Variants in CNTFR observed in about 807,000 individuals in gnomAD.
CNTFR encodes the protein ciliary neurotrophic factor receptor, also known as ciliary neurotrophic factor receptor subunit alpha.
CNTFR carries 12 observed loss-of-function variants against 40.4 expected under a neutral mutation model. That is an observed-to-expected ratio of 0.30 (90% CI 0.19 to 0.48). The LOEUF is 0.48. CNTFR is among the 20% of genes least tolerant of loss of function. The pLI is 0.99. For synonymous variants in CNTFR, 202 were observed against 209.6 expected (o/e 0.96, Z 0.31); for missense variants, 414 against 506.8 (o/e 0.82, Z 1.76).
At chr9:34,587,660 G>A (rs959292332) in intron 1 of CNTFR, among the ~76,000 whole-genome samples, 2 of 152,154 alleles carry the variant, frequency 1.3e-5, no homozygotes, top group African/African-American at 4.8e-5. Context: ...GAGTCCTTGA[G>A]TTCAAATGTG....
rs1411274891 is a variant in CNTFR at position 34,552,393 on chromosome 9, C to T, written c.950-64G>A. 3.4e-6 allele frequency: 5 copies of T among 1,454,982 alleles called. No homozygotes were observed. The highest frequency in any genetic ancestry group is 4.6e-6 in the Non-Finnish European group (5 of 1,089,560). 90.1% of individuals were successfully genotyped at this position (1,454,982 alleles called of 1,614,324 possible). A position where few individuals can be genotyped will look rare whatever the true frequency, so the allele number is the denominator to read the frequency against. On this transcript the variant is annotated intron_variant, in intron 8 of 9. Coordinates refer to ENST00000378980, the MANE Select transcript of CNTFR (RefSeq NM_147164.3). The surrounding 1 kb of genome is among the most constrained non-coding windows in gnomAD (Gnocchi z 5.1). ...TGGGTCCCATCCAGATCTGGGGGCTCATGAGACATACCATTCTGCTTCCTG... is the reference window on the plus strand; with the variant it reads ...TGGGTCCCATCCAGATCTGGGGGCTTATGAGACATACCATTCTGCTTCCTG...
intron 1 of CNTFR, among the ~76,000 whole-genome samples, chr9:34,583,405 G>A (rs1454184331): frequency 7.9e-5 from 12 of 152,176 alleles, no homozygotes; most frequent in Admixed American, 7.9e-4. Context: ...TCGCTAGCTG[G>A]CTAAGTCTCC....
chr9:34,567,820 C>A (rs2132175538), intron 3 of CNTFR, among the ~76,000 whole-genome samples: 1 of 152,334 alleles, frequency 6.6e-6, no homozygotes, highest in East Asian at 1.9e-4. Flanking sequence ...CTCACCCTCA[C>A]AAGAACACAG....
intron 7 of CNTFR, among the ~76,000 whole-genome samples, chr9:34,554,990 C>T (rs1825775570): frequency 1.3e-5 from 2 of 152,246 alleles, no homozygotes; most frequent in Non-Finnish European, 2.9e-5. Context: ...CGCATGGTCT[C>T]GGCATGTTAG....
intron 7 of CNTFR, among the ~76,000 whole-genome samples, chr9:34,554,649 C>T (rs986824171): frequency 5.9e-5 from 9 of 152,342 alleles, no homozygotes; most frequent in African/African-American, 2.2e-4. Flanking sequence ...ACTTGCCTCC[C>T]TCTTGTCCAT....
chr9:34,557,630 C>T lies in CNTFR; in HGVS notation c.500G>A (p.Arg167His), dbSNP rs763191215. 11 of 1,614,058 alleles carry T rather than the reference C, an allele frequency of 6.8e-6. No homozygotes were observed. The highest frequency in any genetic ancestry group is 2.7e-5 in the African/African-American group (2 of 74,926). ...DPALKNRCHI[R>H]YMHLFSTIKY... ...GATGGTGGAGAACAGGTGCATGTAGCGAATGTGGCAGCGGTTCTTGAGGGC... is the reference window on the plus strand; with the variant it reads ...GATGGTGGAGAACAGGTGCATGTAGTGAATGTGGCAGCGGTTCTTGAGGGC... Residue 167 changes from arginine to histidine, a missense_variant, in exon 6 of 10, where the codon CGC (arginine) becomes CAC (histidine). Physicochemically the swap from Arg to His is conservative, Grantham distance 29. Coordinates refer to ENST00000378980, the MANE Select transcript of CNTFR (RefSeq NM_147164.3). This position sits in a 1 kb window ranked among gnomAD's most constrained non-coding sequence, Gnocchi z 4.2.
Position 34,564,709 on chromosome 9 carries a change from T to C in CNTFR, c.209A>G (p.Asn70Ser), listed in dbSNP as rs115175006. 9.9e-5 allele frequency: 160 copies of C among 1,613,956 alleles called. No homozygotes were observed. Among genetic ancestry groups the C allele is most frequent in the Non-Finnish European group, 1.2e-4 (143 of 1,180,004 alleles). Residue 70 changes from asparagine to serine, a missense_variant, in exon 4 of 10, where the codon AAC becomes AGC. By Grantham distance (46) the Asn-to-Ser change is conservative. Transcript: ENST00000378980. ...GCCATGGAGCACCAGCTGAGAGCCG[T>C]TGAGCAGGTCAGGGGCCAGGTCTGT... ...NGTDLAPDLL[N>S]GSQLVLHGLE...
In CNTFR at chr9:34,557,033, C is replaced by G. The variant is rs1587122150; in HGVS notation, c.604+493G>C. 9.6e-6 allele frequency among the ~76,000 whole-genome samples: 1 copy of G among 104,166 alleles called. No individual in the cohort carries two copies. Among genetic ancestry groups the G allele is most frequent in the East Asian group, 3.2e-4 (1 of 3,124 alleles). 68.3% of individuals were successfully genotyped at this position (104,166 alleles called of 152,430 possible). ...GGGCAGGCAGAAGGTCTGGCTGGGG[C>G]GGGGGAATAGCAGGCAGAGAGCCTG... On this transcript the variant is annotated intron_variant, in intron 6 of 9. Coordinates refer to ENST00000378980, the MANE Select transcript of CNTFR (RefSeq NM_147164.3). The surrounding 1 kb of genome is among the most constrained non-coding windows in gnomAD (Gnocchi z 4.2).
chr9:34,551,873 G>A lies in CNTFR; in HGVS notation c.*198C>T. On this transcript the variant is annotated 3_prime_UTR_variant, in exon 10 of 10. Transcript: ENST00000378980. ...GCTGCATGGCCCACCTCCCCTGAGG[G>A]AGGAAGGAGGGCCAGCTTGGTGCGG... The A allele has an allele frequency of 1.5e-6, 1 of 683,052 alleles. No homozygotes were observed. 42.3% of individuals were successfully genotyped at this position (683,052 alleles called of 1,614,324 possible).
At chr9:34,587,781 C>G (rs1015355179) in intron 1 of CNTFR, among the ~76,000 whole-genome samples, 1 of 152,074 alleles carries the variant, frequency 6.6e-6, no homozygotes, top group Non-Finnish European at 1.5e-5. Flanking sequence ...CCCTAGGACC[C>G]CAGTGAGATT....
chr9:34,577,701 C>T (rs990158073), intron 2 of CNTFR, among the ~76,000 whole-genome samples: 2 of 152,210 alleles, frequency 1.3e-5, no homozygotes, highest in African/African-American at 4.8e-5. Flanking sequence ...ATGGACACAG[C>T]CAGAGCCCCC....
chr9:34,582,556 G>A (rs7046510), intron 1 of CNTFR: 105,610 of 152,080 alleles, frequency 0.69, 36,882 homozygotes, highest in East Asian at 0.93. Flanking sequence ...TCTGCCAAAG[G>A]TATGATTAGG....
At chr9:34,554,856 A>T (rs1240272696) in intron 7 of CNTFR, among the ~76,000 whole-genome samples, 2 of 152,198 alleles carry the variant, frequency 1.3e-5, no homozygotes, top group Non-Finnish European at 2.9e-5. Flanking sequence ...AGAACCATAA[A>T]TCTAACCAAC....
At chr9:34,579,615 G>A (rs1056065506) in intron 2 of CNTFR, among the ~76,000 whole-genome samples, 5 of 151,898 alleles carry the variant, frequency 3.3e-5, no homozygotes, top group African/African-American at 1.2e-4. Context: ...AGGGTGATGG[G>A]AGGCCAAAGG....
At chr9:34,579,630 T>C (rs1244924485) in intron 2 of CNTFR, among the ~76,000 whole-genome samples, 1 of 150,734 alleles carries the variant, frequency 6.6e-6, no homozygotes, top group Non-Finnish European at 1.5e-5. Context: ...CAAAGGAAGC[T>C]GGGGGGCTGA....
Position 34,551,820 on chromosome 9 carries a change from G to A in CNTFR, c.*251C>T. On this transcript the variant is annotated 3_prime_UTR_variant, in exon 10 of 10. Transcript: ENST00000378980. ...TGGAGGGTCCAGCCCAAGGGGCCAGGGTGAGGGGGTCTTTGGTGGGTGGGT... is the reference window on the plus strand; with the variant it reads ...TGGAGGGTCCAGCCCAAGGGGCCAGAGTGAGGGGGTCTTTGGTGGGTGGGT... 2 of 630,422 alleles carry A rather than the reference G, an allele frequency of 3.2e-6. No individual in the cohort carries two copies. The highest frequency in any genetic ancestry group is 2.5e-5 in the Admixed American group (1 of 40,520). The allele number at this position is 630,422 out of a possible 1,614,324, so 39.1% of individuals were successfully genotyped here. A position where few individuals can be genotyped will look rare whatever the true frequency, so the allele number is the denominator to read the frequency against.
intron 1 of CNTFR, among the ~76,000 whole-genome samples, chr9:34,586,835 TCTC>T (rs1222333003): frequency 6.6e-6 from 1 of 152,148 alleles, no homozygotes; most frequent in African/African-American, 2.4e-5. Flanking sequence ...GTGTGTCCTC[TCTC>T]CTCCTCACCT....
At chr9:34,579,150 T>G (rs1240121348) in intron 2 of CNTFR, among the ~76,000 whole-genome samples, 2 of 151,894 alleles carry the variant, frequency 1.3e-5, no homozygotes, top group Non-Finnish European at 2.9e-5. Context: ...GGCCATACCC[T>G]CCTCCCTTCG....
At chr9:34,554,014 C>T (rs545366003) in intron 7 of CNTFR, among the ~76,000 whole-genome samples, 1 of 152,106 alleles carries the variant, frequency 6.6e-6, no homozygotes, top group South Asian at 2.1e-4. Flanking sequence ...TGGGTCCAAG[C>T]GGGGCAGGAA....
Sources: allele counts gnomAD v4.1 joint callset (sites outside exome capture counted in the v4.1 genomes callset), GRCh38; gene constraint gnomAD v4.1.1; non-coding constraint Gnocchi (gnomAD v3.1); transcripts MANE v1.5; gene names NCBI Gene and HGNC (gene_info 2026-07-23, HGNC 2026-07-21).